TM9SF4: variants seen among roughly 807,000 people sequenced by gnomAD.
TM9SF4 encodes dinucleotide oxidase disulfide thiol exchanger 3 superfamily member 4.
Under a neutral mutation model 90.4 loss-of-function variants are expected in TM9SF4, and 26 were observed. The ratio of observed to expected loss-of-function variants is 0.29; its 90% CI spans 0.21 to 0.40. The LOEUF (loss-of-function observed/expected upper bound fraction) is 0.40, where lower values mean the gene tolerates loss of function less well. Among genes scored for constraint, TM9SF4 ranks in the 10% least tolerant of loss-of-function variants. The pLI, the probability that TM9SF4 is intolerant of heterozygous loss-of-function variation, is 1.00. For synonymous variants in TM9SF4, 293 were observed against 315.4 expected, an observed-to-expected ratio of 0.93 and a Z score of 0.75; for missense variants, 549 against 834.8, an observed-to-expected ratio of 0.66 and a Z score of 4.22.
rs776066455 is a variant in TM9SF4 at position 32,161,323 on chromosome 20, A to G, written c.1737A>G (p.Ala579=). Residue 579 remains alanine, a synonymous_variant, in exon 17 of 18, where the codon GCA becomes GCG. Coordinates refer to ENST00000398022, the MANE Select transcript of TM9SF4 (RefSeq NM_014742.4). Reference sequence around the variant, plus strand: ...ATTTCCTAGTCTCCGGGGGCTCTGCATTCTACGTCCTGGTTTATGCCATCT... The same window carrying G: ...ATTTCCTAGTCTCCGGGGGCTCTGCGTTCTACGTCCTGGTTTATGCCATCT... ...WRNFLVSGGS[A]FYVLVYAIFY... 6.2e-7 allele frequency: 1 copy of G among 1,614,084 alleles called. No individual in the cohort carries two copies. The highest frequency in any genetic ancestry group is 8.5e-7 in the Non-Finnish European group (1 of 1,179,996).
At chr20:32,123,866 A>ATATATTTTTTTTTTTTTTTTT in intron 1 of TM9SF4, among the ~76,000 whole-genome samples, 1 of 93,964 alleles carries the variant, frequency 1.1e-5, no homozygotes, top group Non-Finnish European at 2.0e-5. Context: ...ATATATATAT[A>ATATATTTTTTTTTTTTTTTTT]TTTTTTTTTT....
At chr20:32,161,056 G>C (rs935085270) in intron 16 of TM9SF4, 2 of 457,906 alleles carry the variant, frequency 4.4e-6, no homozygotes, top group Non-Finnish European at 7.8e-6. Flanking sequence ...TTTTTAATGA[G>C]GTATAAACTG....
intron 17 of TM9SF4, among the ~76,000 whole-genome samples, chr20:32,162,934 A>C (rs368606689): frequency 3.9e-5 from 6 of 152,210 alleles, no homozygotes; most frequent in African/African-American, 1.4e-4. Context: ...AAGACTAAGA[A>C]ATTGGAGTTC....
At chr20:32,141,216 CAAAAAAA>C (rs71185383) in intron 3 of TM9SF4, among the ~76,000 whole-genome samples, 10 of 26,034 alleles carry the variant, frequency 3.8e-4, no homozygotes, top group South Asian at 1.5e-3. Flanking sequence ...GACTCCATCT[CAAAAAAA>C]AAAAAAAAAA....
intron 9 of TM9SF4, 91 bp from the exon 10 acceptor site, chr20:32,149,543 C>T (rs2046811356): frequency 6.4e-7 from 1 of 1,569,904 alleles, no homozygotes; most frequent in Non-Finnish European, 8.7e-7. Context: ...CTGGTTGGCA[C>T]CTGAGGGTGT....
intron 8 of TM9SF4, among the ~76,000 whole-genome samples, chr20:32,145,754 T>G (rs2046754458): frequency 6.6e-6 from 1 of 152,166 alleles, no homozygotes; most frequent in Non-Finnish European, 1.5e-5. Flanking sequence ...CCCGACCCAG[T>G]CTCTGCTCCC....
At chr20:32,128,431 A>C (rs1339356626) in intron 1 of TM9SF4, among the ~76,000 whole-genome samples, 1 of 152,174 alleles carries the variant, frequency 6.6e-6, no homozygotes, top group Non-Finnish European at 1.5e-5. Context: ...GTGATTCTGC[A>C]TTTCTTTTCT....
At chr20:32,159,125 A>G (rs1473311732) in intron 15 of TM9SF4, 1 of 152,328 alleles carries the variant, frequency 6.6e-6, no homozygotes, top group African/African-American at 2.4e-5. Flanking sequence ...ACCTGGTTTC[A>G]TTTCTGGGTC....
chr20:32,110,850 C>T (rs2046132242), intron 1 of TM9SF4, among the ~76,000 whole-genome samples: 1 of 152,134 alleles, frequency 6.6e-6, no homozygotes, highest in South Asian at 2.1e-4. Flanking sequence ...TCAAATTCTG[C>T]TTGTCAAGAG....
At chr20:32,124,728 A>G (rs2046394103) in intron 1 of TM9SF4, among the ~76,000 whole-genome samples, 1 of 152,118 alleles carries the variant, frequency 6.6e-6, no homozygotes, top group Admixed American at 6.5e-5. Context: ...CTGGGATTAC[A>G]GGCGTGTGCC....
chr20:32,143,373 G>A (rs190441366), intron 6 of TM9SF4, among the ~76,000 whole-genome samples: 68 of 152,328 alleles, frequency 4.5e-4, no homozygotes, highest in Admixed American at 7.2e-4. Context: ...GGAAGAACTA[G>A]AGGCTCAAAA....
rs2046525248 is a variant in TM9SF4 at position 32,132,109 on chromosome 20, TAAG to T, written c.16-903_16-901del. On this transcript the variant is annotated intron_variant, in intron 1 of 17. Transcript: ENST00000398022. ...TGATATTTGAGAGACCTGAATGAAATAAGGAGATGTGCCATTGGGCGTGGTAGC... is the reference window on the plus strand; with the variant it reads ...TGATATTTGAGAGACCTGAATGAAATGAGATGTGCCATTGGGCGTGGTAGC... Among the ~76,000 whole-genome samples the T allele has an allele frequency of 3.3e-5, 5 of 152,020 alleles. No homozygotes were observed. The South Asian group carries it at 1.0e-3, about 32-fold the overall frequency.
chr20:32,110,503 G>A (rs555130867), intron 1 of TM9SF4, among the ~76,000 whole-genome samples: 3 of 152,268 alleles, frequency 2.0e-5, no homozygotes, highest in Admixed American at 2.0e-4. Flanking sequence ...CCCACTCCCA[G>A]AGATTCTAAT....
intron 1 of TM9SF4, among the ~76,000 whole-genome samples, chr20:32,128,379 ACTCAGG>A (rs1305415543): frequency 1.3e-5 from 2 of 152,100 alleles, no homozygotes; most frequent in African/African-American, 4.8e-5. Context: ...TTAAACTTTA[ACTCAGG>A]GAACTTGCTG....
chr20:32,149,272 A>G (rs1049179055), intron 9 of TM9SF4, among the ~76,000 whole-genome samples: 2 of 152,166 alleles, frequency 1.3e-5, no homozygotes, highest in Non-Finnish European at 2.9e-5. Context: ...TTTTTTTATT[A>G]CACAAGTAAG....
At chr20:32,124,642 A>G (rs2046392585) in intron 1 of TM9SF4, among the ~76,000 whole-genome samples, 1 of 151,886 alleles carries the variant, frequency 6.6e-6, no homozygotes, top group African/African-American at 2.4e-5. Flanking sequence ...ACTGGAGTGC[A>G]ATGGCACAAT....
At chr20:32,118,643 A>T (rs201992888) in intron 1 of TM9SF4, among the ~76,000 whole-genome samples, 4 of 116,602 alleles carry the variant, frequency 3.4e-5, no homozygotes, top group Admixed American at 8.7e-5. Flanking sequence ...TTATTTATTT[A>T]TTTTTATTTT....
intron 6 of TM9SF4, among the ~76,000 whole-genome samples, chr20:32,143,507 A>C (rs1185805184): frequency 6.6e-6 from 1 of 152,194 alleles, no homozygotes; most frequent in African/African-American, 2.4e-5. Context: ...GCCTGTAGGC[A>C]GCAGGTTTCT....
chr20:32,132,906 T>C, intron 1 of TM9SF4, 107 bp from the exon 2 acceptor site: 1 of 940,592 alleles, frequency 1.1e-6, no homozygotes, highest in Non-Finnish European at 1.6e-6. Flanking sequence ...AGAGGGTGGC[T>C]ACACTGGGTC....
Sources: allele counts gnomAD v4.1 joint callset (sites outside exome capture counted in the v4.1 genomes callset), GRCh38; gene constraint gnomAD v4.1.1; transcripts MANE v1.5; gene names NCBI Gene and HGNC (gene_info 2026-07-23, HGNC 2026-07-21).